Variants in CEP85 observed in about 807,000 individuals in gnomAD.
The protein encoded by CEP85 is centrosomal protein of 85 kDa.
In CEP85, 58 loss-of-function variants were observed where a neutral mutation model predicts 93.7. The ratio of observed to expected loss-of-function variants is 0.62; its 90% CI spans 0.50 to 0.77. CEP85 has a LOEUF of 0.77. Ranked by LOEUF, CEP85 falls within the 30% of genes least tolerant of loss-of-function variation. The pLI, the probability that CEP85 is intolerant of heterozygous loss-of-function variation, is 0.00. For missense variants in CEP85, 868 were observed against 922.0 expected, an observed-to-expected ratio of 0.94 and a Z score of 0.76; for synonymous variants, 314 against 338.6, an observed-to-expected ratio of 0.93 and a Z score of 0.80.
chr1:26,272,810 G>A (rs1393609108), intron 11 of CEP85, among the ~76,000 whole-genome samples: 14 of 151,794 alleles, frequency 9.2e-5, no homozygotes, highest in African/African-American at 2.4e-5. Context: ...TGTATTTTTT[G>A]TAGAGACGGG....
chr1:26,277,007 C>T (rs954068731), intron 13 of CEP85, 129 bp from the exon 14 acceptor site: 2 of 1,024,654 alleles, frequency 2.0e-6, no homozygotes, highest in African/African-American at 3.2e-5. Context: ...AACCCACTGT[C>T]CCCAGATGCT....
At chr1:26,270,545 T>A (rs2089959134) in intron 9 of CEP85, among the ~76,000 whole-genome samples, 1 of 152,212 alleles carries the variant, frequency 6.6e-6, no homozygotes, top group Non-Finnish European at 1.5e-5. Context: ...GTTGTTTATC[T>A]CAGCAGATGG....
At chr1:26,264,102 C>G (rs1256988489) in intron 7 of CEP85, among the ~76,000 whole-genome samples, 5 of 152,140 alleles carry the variant, frequency 3.3e-5, no homozygotes, top group African/African-American at 1.2e-4. Flanking sequence ...ATCTCTCTGA[C>G]AGTATTGATT....
At chr1:26,261,010 C>T (rs1190540307) in intron 7 of CEP85, among the ~76,000 whole-genome samples, 3 of 149,896 alleles carry the variant, frequency 2.0e-5, no homozygotes, top group Non-Finnish European at 4.4e-5. Context: ...AGGCTGGTCT[C>T]GAACTCCTGA....
At chr1:26,268,723 T>A in intron 8 of CEP85, 88 bp downstream of exon 8, 1 of 1,272,486 alleles carries the variant, frequency 7.9e-7, no homozygotes. Flanking sequence ...GCAGTTATCC[T>A]GTGACTTGCT....
chr1:26,257,295 C>G (rs2089722365), intron 4 of CEP85, among the ~76,000 whole-genome samples: 1 of 152,112 alleles, frequency 6.6e-6, no homozygotes, highest in African/African-American at 2.4e-5. Context: ...AGACATATTC[C>G]CCTTCCTTGG....
chr1:26,247,384 T>C (rs2089526976), intron 3 of CEP85, among the ~76,000 whole-genome samples: 1 of 152,126 alleles, frequency 6.6e-6, no homozygotes, highest in Non-Finnish European at 1.5e-5. Flanking sequence ...AAGGTTTTTG[T>C]TTTTTGTTTT....
Position 26,258,164 on chromosome 1 carries a change from G to C in CEP85, c.1059G>C (p.Gln353His), listed in dbSNP as rs1188002315. 2 of 1,614,100 alleles carry C rather than the reference G, an allele frequency of 1.2e-6. No homozygotes were observed. The highest frequency in any genetic ancestry group is 1.1e-5 in the South Asian group (1 of 91,072). Residue 353 changes from glutamine (Q) to histidine (H), a missense_variant, in exon 6 of 14, where the codon CAG becomes CAC. Transcript: ENST00000451429. ...GCAGGCAGAGGAAACACATCTCTCA[G>C]CTGGAGCAGAAAGTGCGAGAGAGCG... Reference protein sequence around the residue: ...LIDKQRKHISQLEQKVRESEL... With the variant: ...LIDKQRKHISHLEQKVRESEL...
At chr1:26,276,010 C>CT (rs1476454705) in intron 12 of CEP85, among the ~76,000 whole-genome samples, 1 of 152,224 alleles carries the variant, frequency 6.6e-6, no homozygotes, top group Non-Finnish European at 1.5e-5. Context: ...CAGGTTCCAG[C>CT]TTCTCCAGCC....
chr1:26,271,804 T>C, intron 10 of CEP85: 1 of 568,196 alleles, frequency 1.8e-6, no homozygotes, highest in Non-Finnish European at 3.2e-6. Context: ...ACTACATTCC[T>C]GTATAAACCT....
At chr1:26,262,501 A>C (rs974591421) in intron 7 of CEP85, among the ~76,000 whole-genome samples, 4 of 151,434 alleles carry the variant, frequency 2.6e-5, no homozygotes, top group Admixed American at 1.3e-4. Context: ...AAAACAAAAC[A>C]AAAAAAGGCG....
intron 3 of CEP85, among the ~76,000 whole-genome samples, chr1:26,251,604 A>G (rs2089616936): frequency 6.6e-6 from 1 of 152,130 alleles, no homozygotes; most frequent in Admixed American, 6.5e-5. Flanking sequence ...CACTTCTGCT[A>G]ATCTATTATG....
intron 3 of CEP85, among the ~76,000 whole-genome samples, chr1:26,250,464 C>T (rs1448968978): frequency 8.5e-5 from 13 of 152,334 alleles, no homozygotes; most frequent in African/African-American, 3.1e-4. Flanking sequence ...TTGTGTTCCA[C>T]AAAACGATTC....
At chr1:26,242,331 T>C (rs2089440922) in intron 2 of CEP85, among the ~76,000 whole-genome samples, 1 of 151,908 alleles carries the variant, frequency 6.6e-6, no homozygotes, top group Non-Finnish European at 1.5e-5. Context: ...CTGTGTAGAC[T>C]CACCAGAAGG....
rs2089735369 is a variant in CEP85 at position 26,258,028 on chromosome 1, T to G, written c.1038-115T>G. The G allele has an allele frequency of 4.0e-6, 3 of 758,622 alleles. No homozygotes were observed. The East Asian group carries it at 7.4e-5, about 19-fold the overall frequency. 47.0% of individuals were successfully genotyped at this position (758,622 alleles called of 1,614,324 possible). A position where few individuals can be genotyped will look rare whatever the true frequency, so the allele number is the denominator to read the frequency against. Reference sequence around the variant, plus strand: ...CATTTGTTCTTCTTCCTTCAGAAAATAGTGATATCCAGAATCTAAGATCTT... The same window carrying G: ...CATTTGTTCTTCTTCCTTCAGAAAAGAGTGATATCCAGAATCTAAGATCTT... On this transcript the variant is annotated intron_variant, in intron 5 of 13. Coordinates refer to ENST00000451429, the MANE Select transcript of CEP85 (RefSeq NM_001319944.2).
Position 26,255,760 on chromosome 1 carries a change from G to A in CEP85, c.798G>A (p.Val266=), listed in dbSNP as rs1411924761. ...PGLSKPLPSQ[V]WQPSPDTWHP... ...TCTCCAAGCCTCTGCCCTCTCAGGT[G>A]TGGCAGCCGAGTCCTGACACTTGGC... is the stretch of plus-strand genomic sequence containing the variant. The change falls in exon 4 of 14, where the codon GTG becomes GTA. Residue 266 remains valine, a synonymous_variant. Coordinates refer to ENST00000451429, the MANE Select transcript of CEP85 (RefSeq NM_001319944.2). 1 of 1,614,068 alleles carries A rather than the reference G, an allele frequency of 6.2e-7. No homozygotes were observed. Among genetic ancestry groups the A allele is most frequent in the Non-Finnish European group, 8.5e-7 (1 of 1,180,022 alleles).
intron 3 of CEP85, among the ~76,000 whole-genome samples, chr1:26,249,687 A>G (rs2089573368): frequency 6.6e-6 from 1 of 152,166 alleles, no homozygotes; most frequent in Non-Finnish European, 1.5e-5. Context: ...ATTTGGTAAT[A>G]GCTGAATCTA....
At chr1:26,257,223 G>A (rs1046002996) in intron 4 of CEP85, among the ~76,000 whole-genome samples, 3 of 152,116 alleles carry the variant, frequency 2.0e-5, no homozygotes, top group African/African-American at 4.8e-5. Context: ...GTGAGCCACC[G>A]CACCCAGCAT....
intron 11 of CEP85, among the ~76,000 whole-genome samples, chr1:26,273,745 A>G (rs1055373944): frequency 3.2e-4 from 48 of 151,982 alleles, no homozygotes; most frequent in Non-Finnish European, 5.9e-5. Context: ...GAATACAAAA[A>G]GATTAGCTGG....
Sources: gnomAD v4.1 joint callset for allele counts (sites outside exome capture counted in the v4.1 genomes callset) on GRCh38, gnomAD v4.1.1 for gene constraint, MANE v1.5 for transcripts, NCBI Gene and HGNC (gene_info 2026-07-23, HGNC 2026-07-21) for gene names.